PTPN14: variants seen among roughly 807,000 people sequenced by gnomAD.
PTPN14 encodes protein tyrosine phosphatase non-receptor type 14, also known as tyrosine-protein phosphatase non-receptor type 14.
Under a neutral mutation model 126.8 loss-of-function variants are expected in PTPN14, and 53 were observed. The ratio of observed to expected loss-of-function variants is 0.42; its 90% CI spans 0.34 to 0.53. PTPN14 has a LOEUF of 0.53. PTPN14 is among the 20% of genes least tolerant of loss of function. PTPN14 has a pLI of 0.08. For synonymous variants in PTPN14, 630 were observed against 599.3 expected (o/e 1.05, Z -0.75); for missense variants, 1,257 against 1,552.9 (o/e 0.81, Z 3.20).
In PTPN14 at chr1:214,491,022, AAAGG is replaced by A. The variant is rs1445846788; in HGVS notation, c.-154-26069_-154-26066del. Among the ~76,000 whole-genome samples the A allele has an allele frequency of 9.0e-3, 1,205 of 133,294 alleles. 18 individuals are homozygous for A. Among genetic ancestry groups the A allele is most frequent in the African/African-American group, 0.034 (1,134 of 33,832 alleles). The allele number at this position is 133,294 out of a possible 152,430, so 87.4% of individuals were successfully genotyped here. On this transcript the variant is annotated intron_variant, in intron 1 of 18. Coordinates refer to ENST00000366956, the MANE Select transcript of PTPN14 (RefSeq NM_005401.5). The stretch of plus-strand genomic sequence containing the variant: ...AAAGGAAAGAAAGGAAGAAAGGAAG[AAAGG>A]AAGGAAGGAAGAAAGAAAGAAAGAA...
chr1:214,382,710 T>C (rs1010026559), intron 13 of PTPN14, among the ~76,000 whole-genome samples: 1 of 152,252 alleles, frequency 6.6e-6, no homozygotes, highest in Non-Finnish European at 1.5e-5. Context: ...TGTATATATG[T>C]ATGTGTGTAT....
In PTPN14 at chr1:214,350,946, G is replaced by A. The variant is rs1657693724; in HGVS notation, c.*6976C>T. On this transcript the variant is annotated 3_prime_UTR_variant, in exon 19 of 19. Coordinates refer to ENST00000366956, the MANE Select transcript of PTPN14 (RefSeq NM_005401.5). ...TTTCCTAATTACATATTTCTGAGAG[G>A]TTTAAGGCAATGATTCTCTGACGAG... 1 of 151,672 alleles carries A rather than the reference G, an allele frequency of 6.6e-6. No individual in the cohort carries two copies. The highest frequency in any genetic ancestry group is 2.1e-4 in the South Asian group (1 of 4,816). The allele number at this position is 151,672 out of a possible 1,614,324, so 9.4% of individuals were successfully genotyped here.
chr1:214,511,111 C>T (rs1213457385), intron 1 of PTPN14, among the ~76,000 whole-genome samples: 1 of 151,840 alleles, frequency 6.6e-6, no homozygotes, highest in Non-Finnish European at 1.5e-5. Flanking sequence ...TGATCTCAAA[C>T]TCCTGGTGTC....
At chr1:214,466,486 G>A (rs1179279796) in intron 1 of PTPN14, among the ~76,000 whole-genome samples, 1 of 152,060 alleles carries the variant, frequency 6.6e-6, no homozygotes, top group East Asian at 1.9e-4. Flanking sequence ...ACACCCTGAT[G>A]TCCCACCAAA....
chr1:214,542,620 A>T (rs73079763), intron 1 of PTPN14, among the ~76,000 whole-genome samples: 8,112 of 152,226 alleles, frequency 0.053, 461 homozygotes, highest in African/African-American at 0.15. Context: ...CCAGAGAGAG[A>T]TTAGGGAAGG....
chr1:214,506,908 G>C (rs1020081368), intron 1 of PTPN14, among the ~76,000 whole-genome samples: 1 of 136,648 alleles, frequency 7.3e-6, no homozygotes, highest in Non-Finnish European at 1.5e-5. Flanking sequence ...CAAGAGCGCG[G>C]GTTTTTTTTT....
chr1:214,413,295 TC>T (rs1479760790), intron 4 of PTPN14, among the ~76,000 whole-genome samples: 1 of 152,376 alleles, frequency 6.6e-6, no homozygotes, highest in Admixed American at 6.5e-5. Flanking sequence ...CATTGTTTCT[TC>T]CCCTCCAGTC....
chr1:214,414,566 G>T, intron 4 of PTPN14, 63 bp downstream of exon 4: 1 of 1,409,954 alleles, frequency 7.1e-7, no homozygotes, highest in Non-Finnish European at 1.0e-6. Context: ...ACTCTGAGAG[G>T]CCAGCAACAC....
chr1:214,465,951 C>CTTTCTTTTTTTTTTT (rs1324868342), intron 1 of PTPN14, among the ~76,000 whole-genome samples: 2 of 59,024 alleles, frequency 3.4e-5, no homozygotes, highest in African/African-American at 1.4e-4. Context: ...CAGTTACTTC[C>CTTTCTTTTTTTTTTT]TTTTTTTTTT....
intron 1 of PTPN14, among the ~76,000 whole-genome samples, chr1:214,499,667 G>A (rs979455132): frequency 4.6e-5 from 7 of 152,110 alleles, no homozygotes; most frequent in African/African-American, 1.7e-4. Context: ...ATCCATTTAT[G>A]TGAATTCAGA....
intron 1 of PTPN14, among the ~76,000 whole-genome samples, chr1:214,521,756 CT>C (rs1655262218): frequency 6.6e-6 from 1 of 151,868 alleles, no homozygotes; most frequent in South Asian, 2.1e-4. Flanking sequence ...AACAAAAGAA[CT>C]AGAAGACTTC....
Position 214,384,072 on chromosome 1 carries a change from G to A in PTPN14, c.1783C>T (p.Pro595Ser). The A allele has an allele frequency of 6.3e-7, 1 of 1,578,634 alleles. No individual in the cohort carries two copies. Among genetic ancestry groups the A allele is most frequent in the Non-Finnish European group, 8.6e-7 (1 of 1,165,184 alleles). ...HRHKYVSGSS[P>S]DLVTRKVQLS... ...TGCACCTTCCGGGTCACCAGGTCCG[G>A]GCTGCTGCCGCTGACGTACTTGTGG... is the stretch of plus-strand genomic sequence containing the variant. The change falls in exon 13 of 19, where the codon CCG (proline) becomes TCG (serine). Residue 595 changes from proline (P) to serine (S), a missense_variant. By Grantham distance (74) the Pro-to-Ser change is moderately conservative. This residue lies in a region of PTPN14 where 1,021 missense variants were observed against 1,183.3 expected (regional missense o/e 0.86). Coordinates refer to ENST00000366956, the MANE Select transcript of PTPN14 (RefSeq NM_005401.5). This position sits in a 1 kb window ranked among gnomAD's most constrained non-coding sequence, Gnocchi z 5.3.
chr1:214,511,223 C>A (rs1372925443), intron 1 of PTPN14, among the ~76,000 whole-genome samples: 2 of 152,114 alleles, frequency 1.3e-5, no homozygotes, highest in African/African-American at 2.4e-5. Flanking sequence ...AATGGATAAC[C>A]TTTTGCCTCT....
At chr1:214,434,499 A>G (rs897073031) in intron 3 of PTPN14, among the ~76,000 whole-genome samples, 1 of 152,126 alleles carries the variant, frequency 6.6e-6, no homozygotes, top group Non-Finnish European at 1.5e-5. Context: ...GTAAGTTAAC[A>G]GAAAGTGAAT....
At chr1:214,520,065 A>ATATATATATATATATATATAT (rs1553274992) in intron 1 of PTPN14, among the ~76,000 whole-genome samples, 16 of 71,108 alleles carry the variant, frequency 2.3e-4, no homozygotes, top group African/African-American at 1.0e-3. Context: ...AAAAAAAAAA[A>ATATATATATATATATATATAT]ATATATATAT....
In PTPN14 at chr1:214,543,646, T is replaced by G. The variant is rs930086301; in HGVS notation, c.-155+7537A>C. Among the ~76,000 whole-genome samples the G allele has an allele frequency of 2.0e-5, 3 of 152,116 alleles. No homozygotes were observed. In the South Asian group the frequency reaches 6.2e-4, roughly 32 times the overall value. On this transcript the variant is annotated intron_variant, in intron 1 of 18. Coordinates refer to ENST00000366956, the MANE Select transcript of PTPN14 (RefSeq NM_005401.5). ...CACTGATTCTATAACACGTTTTTTTTTTTTAGATGGAGTCTCGCTCTGTCT... is the reference window on the plus strand; with the variant it reads ...CACTGATTCTATAACACGTTTTTTTGTTTTAGATGGAGTCTCGCTCTGTCT...
intron 8 of PTPN14, 97 bp downstream of exon 8, chr1:214,397,816 C>T: frequency 1.0e-6 from 1 of 963,542 alleles, no homozygotes; most frequent in Non-Finnish European, 1.6e-6. Flanking sequence ...ATCTTATCCA[C>T]AGTTTGGCTC....
chr1:214,425,332 G>GA (rs901380998), intron 3 of PTPN14, among the ~76,000 whole-genome samples: 2 of 152,142 alleles, frequency 1.3e-5, no homozygotes, highest in African/African-American at 2.4e-5. Context: ...TCAGCAGAAA[G>GA]AAAAAAACAA....
chr1:214,548,546 A>G (rs1656028123), intron 1 of PTPN14, among the ~76,000 whole-genome samples: 1 of 152,186 alleles, frequency 6.6e-6, no homozygotes, highest in Non-Finnish European at 1.5e-5. Context: ...TCAGGCTTAA[A>G]ATGAATTTTT....
Sources: gnomAD v4.1 joint callset for allele counts (sites outside exome capture counted in the v4.1 genomes callset) on GRCh38, gnomAD v4.1.1 for gene constraint, gnomAD v4.1.1 regional missense constraint, Gnocchi (gnomAD v3.1) non-coding constraint, MANE v1.5 for transcripts, NCBI Gene and HGNC (gene_info 2026-07-23, HGNC 2026-07-21) for gene names.